ACAP2: variants seen among roughly 807,000 people sequenced by gnomAD.
The protein encoded by ACAP2 is arf-GAP with coiled-coil, ANK repeat and PH domain-containing protein 2.
In ACAP2, 39 loss-of-function variants were observed where a neutral mutation model predicts 115.8. The observed-to-expected ratio is 0.34, with a 90% CI of 0.26 to 0.44. ACAP2 has a LOEUF of 0.44. ACAP2 is among the 20% of genes least tolerant of loss of function. The probability of loss-of-function intolerance (pLI) is 1.00; values close to 1 mark genes in which losing one functional copy is unlikely to be tolerated. For synonymous variants in ACAP2, 289 were observed against 315.8 expected (o/e 0.92, Z 0.90); for missense variants, 662 against 927.6 (o/e 0.71, Z 3.72).
intron 8 of ACAP2, among the ~76,000 whole-genome samples, chr3:195,331,257 C>G (rs1291490877): frequency 6.6e-6 from 1 of 151,960 alleles, no homozygotes; most frequent in Non-Finnish European, 1.5e-5. Flanking sequence ...CACACACAAA[C>G]CACAACTCAC....
In ACAP2 at chr3:195,342,712, C is replaced by T; in HGVS notation, c.345-58G>A. The T allele has an allele frequency of 2.1e-6, 3 of 1,447,332 alleles. No individual in the cohort carries two copies. In the South Asian group the frequency reaches 4.2e-5, roughly 20 times the overall value. 89.7% of individuals were successfully genotyped at this position (1,447,332 alleles called of 1,614,324 possible). A position where few individuals can be genotyped will look rare whatever the true frequency, so the allele number is the denominator to read the frequency against. Reference sequence around the variant, plus strand: ...AACTTGCTTCATTAAAAAACTTTAGCAGGCTGGGCGCGGTGGCTCACACCT... The same window carrying T: ...AACTTGCTTCATTAAAAAACTTTAGTAGGCTGGGCGCGGTGGCTCACACCT... On this transcript the variant is annotated intron_variant, in intron 5 of 22. Transcript: ENST00000326793.
At chr3:195,310,940 TACA>T (rs1728722912) in intron 10 of ACAP2, among the ~76,000 whole-genome samples, 1 of 152,102 alleles carries the variant, frequency 6.6e-6, no homozygotes, top group Admixed American at 6.5e-5. Context: ...TTGTGTGTCT[TACA>T]ACACTATCAC....
At chr3:195,288,700 A>T (rs1171441682) in intron 21 of ACAP2, among the ~76,000 whole-genome samples, 1 of 152,122 alleles carries the variant, frequency 6.6e-6, no homozygotes, top group Admixed American at 6.5e-5. Context: ...TCTACTAAAA[A>T]TACAAAAATT....
At chr3:195,417,548 C>A (rs1030320337) in intron 1 of ACAP2, among the ~76,000 whole-genome samples, 1 of 152,092 alleles carries the variant, frequency 6.6e-6, no homozygotes. Context: ...TTCTTCTCAC[C>A]TGGATTATAG....
At chr3:195,313,684 T>TA in intron 10 of ACAP2, among the ~76,000 whole-genome samples, 1 of 152,352 alleles carries the variant, frequency 6.6e-6, no homozygotes. Context: ...TAGTACCTTC[T>TA]ATGCTCTTAG....
intron 20 of ACAP2, among the ~76,000 whole-genome samples, chr3:195,290,810 C>G (rs1727186369): frequency 1.5e-5 from 2 of 136,498 alleles, no homozygotes. Flanking sequence ...AAGACTTTAT[C>G]TCAAAATAAA....
chr3:195,339,327 TAAGTA>T (rs1730719547), intron 6 of ACAP2, among the ~76,000 whole-genome samples: 1 of 152,162 alleles, frequency 6.6e-6, no homozygotes, highest in Non-Finnish European at 1.5e-5. Context: ...TCAAATGCTC[TAAGTA>T]AAGAAGAAGC....
intron 1 of ACAP2, among the ~76,000 whole-genome samples, chr3:195,416,026 A>T (rs1713694303): frequency 6.6e-6 from 1 of 152,182 alleles, no homozygotes; most frequent in Non-Finnish European, 1.5e-5. Flanking sequence ...TAGAAGAGGA[A>T]ATATGAATGA....
chr3:195,313,789 T>C (rs1322355937), intron 10 of ACAP2, among the ~76,000 whole-genome samples: 1 of 152,186 alleles, frequency 6.6e-6, no homozygotes, highest in Non-Finnish European at 1.5e-5. Flanking sequence ...TATGTTAGTA[T>C]CTATTTATTT....
intron 1 of ACAP2, among the ~76,000 whole-genome samples, chr3:195,424,000 T>C (rs1481805363): frequency 6.6e-6 from 1 of 151,862 alleles, no homozygotes; most frequent in Non-Finnish European, 1.5e-5. Flanking sequence ...TGGGTCCCTG[T>C]ATGACTACAT....
chr3:195,303,717 T>C (rs75380787), intron 13 of ACAP2, among the ~76,000 whole-genome samples: 2 of 152,284 alleles, frequency 1.3e-5, no homozygotes, highest in East Asian at 1.9e-4. Flanking sequence ...TGCAGTGAAC[T>C]ATGATCACAC....
chr3:195,301,327 C>A (rs1296714679), intron 15 of ACAP2, among the ~76,000 whole-genome samples: 1 of 152,116 alleles, frequency 6.6e-6, no homozygotes, highest in African/African-American at 2.4e-5. Context: ...ACCTCATGAT[C>A]CGCCCGCCTC....
At chr3:195,423,873 A>G (rs889219554) in intron 1 of ACAP2, among the ~76,000 whole-genome samples, 2 of 152,198 alleles carry the variant, frequency 1.3e-5, no homozygotes, top group South Asian at 2.1e-4. Flanking sequence ...AAATGATGAT[A>G]TAATTTGCAG....
intron 1 of ACAP2, among the ~76,000 whole-genome samples, chr3:195,441,621 G>A (rs1715998728): frequency 6.6e-6 from 1 of 152,182 alleles, no homozygotes; most frequent in Non-Finnish European, 1.5e-5. Flanking sequence ...CCCAGGCAGA[G>A]GATGCAATTT....
intron 15 of ACAP2, among the ~76,000 whole-genome samples, chr3:195,300,336 C>T (rs755631386): frequency 1.3e-5 from 2 of 152,136 alleles, no homozygotes; most frequent in African/African-American, 4.8e-5. Flanking sequence ...TGAGCCACCG[C>T]ACCCGGCCAC....
At chr3:195,385,646 C>CA in intron 2 of ACAP2, among the ~76,000 whole-genome samples, 1 of 152,082 alleles carries the variant, frequency 6.6e-6, no homozygotes, top group Admixed American at 6.6e-5. Context: ...GAATGAAGAA[C>CA]AATGTGGCAA....
Position 195,307,347 on chromosome 3 carries a change from C to T in ACAP2, c.910-24G>A, listed in dbSNP as rs181328272. 35 of 1,490,700 alleles carry T rather than the reference C, an allele frequency of 2.3e-5. No individual in the cohort carries two copies. In the African/African-American group the frequency reaches 4.6e-4, roughly 19 times the overall value. 92.3% of individuals were successfully genotyped at this position (1,490,700 alleles called of 1,614,324 possible). ...TCCTATAGTGAGGAAACCAAATTTC[C>T]ATATTTTTCCACTTAGGTTTTAATA... On this transcript the variant is annotated intron_variant, in intron 11 of 22. Coordinates refer to ENST00000326793, the MANE Select transcript of ACAP2 (RefSeq NM_012287.6).
chr3:195,300,783 G>A (rs1208775891), intron 15 of ACAP2, among the ~76,000 whole-genome samples: 2 of 152,196 alleles, frequency 1.3e-5, no homozygotes, highest in African/African-American at 4.8e-5. Context: ...TTGGGAGGCC[G>A]AGGTAGATGG....
chr3:195,301,717 T>C (rs1214325664), intron 14 of ACAP2, 73 bp from the exon 15 acceptor site: 1 of 1,395,800 alleles, frequency 7.2e-7, no homozygotes. Flanking sequence ...TGTTTTAACG[T>C]GACACAGGCT....
Sources: gnomAD v4.1 joint callset for allele counts (sites outside exome capture counted in the v4.1 genomes callset) on GRCh38, gnomAD v4.1.1 for gene constraint, MANE v1.5 for transcripts, NCBI Gene and HGNC (gene_info 2026-07-23, HGNC 2026-07-21) for gene names.